Variants in GLCCI1 observed in about 807,000 individuals in gnomAD.
The protein encoded by GLCCI1 is glucocorticoid induced 1, also known as glucocorticoid-induced transcript 1 protein.
Under a neutral mutation model 52.2 loss-of-function variants are expected in GLCCI1, and 24 were observed. That is an observed-to-expected ratio of 0.46 (90% CI 0.33 to 0.65). The LOEUF (loss-of-function observed/expected upper bound fraction) is 0.65. Ranked by LOEUF, GLCCI1 falls within the 30% of genes least tolerant of loss-of-function variation. The pLI is 0.02. For synonymous variants in GLCCI1, 310 were observed against 276.5 expected (o/e 1.12, Z -1.20); for missense variants, 704 against 701.5 (o/e 1.00, Z -0.04).
chr7:8,085,573 C>A (rs1044490065), intron 7 of GLCCI1, among the ~76,000 whole-genome samples: 4 of 152,162 alleles, frequency 2.6e-5, no homozygotes, highest in African/African-American at 7.2e-5. Context: ...GCCCTCATGC[C>A]TTTGTTCCAG....
intron 1 of GLCCI1, among the ~76,000 whole-genome samples, chr7:7,974,223 A>G (rs560375205): frequency 6.6e-6 from 1 of 152,296 alleles, no homozygotes; most frequent in South Asian, 2.1e-4. Flanking sequence ...TTCTAGATCA[A>G]TCAGTGAATA....
chr7:7,980,614 C>T (rs900253064), intron 1 of GLCCI1: 4 of 772,180 alleles, frequency 5.2e-6, no homozygotes, highest in Non-Finnish European at 8.8e-6. Flanking sequence ...GTATGGTGAT[C>T]AAGCAAGCTT....
Position 8,040,525 on chromosome 7 carries a change from A to AACACACACACACACACAC in GLCCI1, c.697-14889_697-14872dup, listed in dbSNP as rs58561376. 2.5e-4 allele frequency among the ~76,000 whole-genome samples: 36 copies of AACACACACACACACACAC among 145,324 alleles called. 1 individual carries two copies. The East Asian group carries it at 3.3e-3, about 13-fold the overall frequency. On this transcript the variant is annotated intron_variant, in intron 3 of 7. Coordinates refer to ENST00000223145, the MANE Select transcript of GLCCI1 (RefSeq NM_138426.4). Reference sequence around the variant, plus strand: ...TTAAAAACCATAGTGAGATATAATTAACACACACACACACACACACACACA... The same window carrying AACACACACACACACACAC: ...TTAAAAACCATAGTGAGATATAATTAACACACACACACACACACACACACACACACACACACACACACA...
chr7:8,060,488 AT>A (rs995646534), intron 5 of GLCCI1, among the ~76,000 whole-genome samples: 1 of 152,150 alleles, frequency 6.6e-6, no homozygotes, highest in Non-Finnish European at 1.5e-5. Context: ...GTGGTCTCTC[AT>A]TTCCCTGTAA....
At chr7:8,002,272 ATAATT>A (rs71014743) in intron 1 of GLCCI1, among the ~76,000 whole-genome samples, 65,028 of 151,440 alleles carry the variant, frequency 0.43, 14,166 homozygotes, top group Middle Eastern at 0.51. Flanking sequence ...CCTATATTCT[ATAATT>A]TAATTCAATT....
At chr7:7,993,351 C>A (rs930496244) in intron 1 of GLCCI1, among the ~76,000 whole-genome samples, 1 of 152,170 alleles carries the variant, frequency 6.6e-6, no homozygotes, top group African/African-American at 2.4e-5. Context: ...TCAACCTTCT[C>A]TTTTCTTTGC....
intron 2 of GLCCI1, among the ~76,000 whole-genome samples, chr7:8,014,146 T>C (rs1309248133): frequency 1.3e-5 from 2 of 152,084 alleles, no homozygotes; most frequent in African/African-American, 4.8e-5. Flanking sequence ...CCCGCCACCA[T>C]GCCCAGCTAA....
chr7:8,022,419 G>A, intron 2 of GLCCI1, 64 bp from the exon 3 acceptor site: 1 of 906,518 alleles, frequency 1.1e-6, no homozygotes, highest in Non-Finnish European at 1.5e-6. Flanking sequence ...ATATGTTTCA[G>A]TTGCTTGAGA....
At chr7:7,976,013 C>G (rs139845967) in intron 1 of GLCCI1, among the ~76,000 whole-genome samples, 17 of 152,280 alleles carry the variant, frequency 1.1e-4, no homozygotes, top group Admixed American at 8.5e-4. Flanking sequence ...TAAACAGAGA[C>G]TGGTCTCAAG....
chr7:8,035,433 T>C (rs749327623), intron 3 of GLCCI1, among the ~76,000 whole-genome samples: 19 of 151,972 alleles, frequency 1.3e-4, no homozygotes, highest in Admixed American at 5.2e-4. Context: ...CTATGGGAGG[T>C]TGGTACAGGC....
chr7:8,009,711 CTT>C (rs763853181), intron 2 of GLCCI1, among the ~76,000 whole-genome samples: 1 of 152,206 alleles, frequency 6.6e-6, no homozygotes, highest in African/African-American at 2.4e-5. Flanking sequence ...AAGAAATTAA[CTT>C]TTGCAGTTTT....
intron 2 of GLCCI1, among the ~76,000 whole-genome samples, chr7:8,008,717 A>T (rs1781204407): frequency 6.6e-6 from 1 of 152,238 alleles, no homozygotes; most frequent in Non-Finnish European, 1.5e-5. Flanking sequence ...GAATATGAAC[A>T]GAAAACAAAT....
chr7:7,985,008 A>G (rs1179877398), intron 1 of GLCCI1, among the ~76,000 whole-genome samples: 2 of 152,250 alleles, frequency 1.3e-5, no homozygotes, highest in African/African-American at 4.8e-5. Flanking sequence ...AATTATTCCT[A>G]ACCAGCCTCA....
intron 4 of GLCCI1, among the ~76,000 whole-genome samples, chr7:8,058,804 T>G (rs921250721): frequency 6.6e-6 from 1 of 152,214 alleles, no homozygotes; most frequent in Non-Finnish European, 1.5e-5. Context: ...TTTATAACTT[T>G]TGGGTTCCCA....
chr7:7,991,308 G>C (rs1371051407), intron 1 of GLCCI1, among the ~76,000 whole-genome samples: 1 of 151,994 alleles, frequency 6.6e-6, no homozygotes, highest in Admixed American at 6.6e-5. Context: ...TTTCAGTTTA[G>C]ATATCATGAG....
chr7:7,969,628 G>C lies in GLCCI1; in HGVS notation c.278G>C (p.Gly93Ala). Residue 93 changes from glycine to alanine, a missense_variant, in exon 1 of 8, where the codon GGC becomes GCC. By Grantham distance (60) the Gly-to-Ala change is moderately conservative. Coordinates refer to ENST00000223145, the MANE Select transcript of GLCCI1 (RefSeq NM_138426.4). The surrounding 1 kb of genome is among the most constrained non-coding windows in gnomAD (Gnocchi z 4.9). Reference protein sequence around the residue: ...PPVAAAAASLGSLPGPGAARG... With the variant: ...PPVAAAAASLASLPGPGAARG... ...GTCGCCGCTGCCGCCGCCTCGCTGG[G>C]CAGCCTCCCGGGGCCCGGCGCGGCC... 9.8e-7 allele frequency: 1 copy of C among 1,020,600 alleles called. No individual in the cohort carries two copies. Among genetic ancestry groups the C allele is most frequent in the African/African-American group, 1.7e-5 (1 of 57,298 alleles). 63.2% of individuals were successfully genotyped at this position (1,020,600 alleles called of 1,614,324 possible).
At chr7:8,004,144 T>A in intron 2 of GLCCI1, 85 bp downstream of exon 2, 1 of 1,235,592 alleles carries the variant, frequency 8.1e-7, no homozygotes, top group Non-Finnish European at 1.1e-6. Context: ...ATAATCAAAT[T>A]TCCCCAAATT....
At chr7:8,023,232 G>C (rs191982242) in intron 3 of GLCCI1, among the ~76,000 whole-genome samples, 2 of 152,244 alleles carry the variant, frequency 1.3e-5, no homozygotes, top group South Asian at 2.1e-4. Flanking sequence ...AGCCAGGATG[G>C]TCTCAATCTC....
At chr7:8,073,708 T>A (rs890631519) in intron 6 of GLCCI1, among the ~76,000 whole-genome samples, 3 of 152,218 alleles carry the variant, frequency 2.0e-5, no homozygotes, top group Non-Finnish European at 4.4e-5. Flanking sequence ...GAATGTTGCT[T>A]AATAGTGATT....
Sources: gnomAD v4.1 joint callset for allele counts (sites outside exome capture counted in the v4.1 genomes callset) on GRCh38, gnomAD v4.1.1 for gene constraint, Gnocchi (gnomAD v3.1) non-coding constraint, MANE v1.5 for transcripts, NCBI Gene and HGNC (gene_info 2026-07-23, HGNC 2026-07-21) for gene names.